PGM5: variants seen among roughly 807,000 people sequenced by gnomAD.
PGM5 encodes phosphoglucomutase-like protein 5.
PGM5 carries 23 observed loss-of-function variants against 59.2 expected under a neutral mutation model. The observed-to-expected ratio is 0.39, with a 90% CI of 0.28 to 0.55. The LOEUF is 0.55. Ranked by LOEUF, PGM5 falls within the 20% of genes least tolerant of loss-of-function variation. The pLI is 0.66. For synonymous variants in PGM5, 214 were observed against 286.0 expected, an observed-to-expected ratio of 0.75 and a Z score of 2.54; for missense variants, 574 against 748.3, an observed-to-expected ratio of 0.77 and a Z score of 2.72.
chr9:68,387,410 G>A, intron 3 of PGM5, 53 bp from the exon 4 acceptor site: 3 of 1,453,124 alleles, frequency 2.1e-6, no homozygotes, highest in Non-Finnish European at 2.9e-6. Context: ...ATGCTTCCAA[G>A]TATCTTTCAT....
At chr9:68,435,667 C>T (rs1007585055) in intron 6 of PGM5, among the ~76,000 whole-genome samples, 4 of 152,010 alleles carry the variant, frequency 2.6e-5, no homozygotes, top group South Asian at 2.1e-4. Context: ...TCCATTTGTC[C>T]ATTGATGGAC....
At chr9:68,482,558 G>A (rs1554687200) in intron 8 of PGM5, among the ~76,000 whole-genome samples, 1 of 152,130 alleles carries the variant, frequency 6.6e-6, no homozygotes, top group Non-Finnish European at 1.5e-5. Flanking sequence ...GATCTTGAGT[G>A]GAAAAAAGTA....
At chr9:68,494,889 T>C (rs369086848) in intron 9 of PGM5, among the ~76,000 whole-genome samples, 3 of 152,252 alleles carry the variant, frequency 2.0e-5, no homozygotes, top group South Asian at 2.1e-4. Context: ...TGTGTTTTCA[T>C]GTAGCCTGTG....
chr9:68,450,585 G>A lies in PGM5; in HGVS notation c.1044-14508G>A, dbSNP rs75707179. Reference sequence around the variant, plus strand: ...TTCCATATGTGTAATCATACTGTAAGTTTAATAAAAGTTTACATCATATGA... The same window carrying A: ...TTCCATATGTGTAATCATACTGTAAATTTAATAAAAGTTTACATCATATGA... On this transcript the variant is annotated intron_variant, in intron 6 of 10. Coordinates refer to ENST00000396396, the MANE Select transcript of PGM5 (RefSeq NM_021965.4). 0.011 allele frequency among the ~76,000 whole-genome samples: 1,746 copies of A among 152,242 alleles called. 115 individuals carry two copies. In the East Asian group the frequency reaches 0.17, roughly 15 times the overall value.
intron 6 of PGM5, among the ~76,000 whole-genome samples, chr9:68,454,269 C>G (rs1554684616): frequency 6.6e-6 from 1 of 152,174 alleles, no homozygotes; most frequent in African/African-American, 2.4e-5. Flanking sequence ...AGTAATGAAT[C>G]TAGGGATGGG....
chr9:68,364,812 C>G (rs1834648413), intron 1 of PGM5, among the ~76,000 whole-genome samples: 1 of 150,940 alleles, frequency 6.6e-6, no homozygotes, highest in Non-Finnish European at 1.5e-5. Context: ...AGGAGTGGGA[C>G]AGATTATGAG....
intron 7 of PGM5, 112 bp from the exon 8 acceptor site, chr9:68,479,306 G>T: frequency 1.1e-6 from 1 of 935,700 alleles, no homozygotes; most frequent in Admixed American, 2.5e-5. Context: ...ATGGGTAAAT[G>T]ATCCAATCAT....
chr9:68,443,453 T>C (rs1228635417), intron 6 of PGM5, among the ~76,000 whole-genome samples: 1 of 152,220 alleles, frequency 6.6e-6, no homozygotes, highest in South Asian at 2.1e-4. Flanking sequence ...GATCTACACA[T>C]GTCAAAATTT....
At chr9:68,390,832 C>T (rs1554679377) in intron 4 of PGM5, among the ~76,000 whole-genome samples, 1 of 152,122 alleles carries the variant, frequency 6.6e-6, no homozygotes, top group Non-Finnish European at 1.5e-5. Flanking sequence ...GTTATTGCTT[C>T]TCTGAAGCCA....
chr9:68,409,925 G>A (rs1376596667), intron 6 of PGM5, among the ~76,000 whole-genome samples: 1 of 151,980 alleles, frequency 6.6e-6, no homozygotes, highest in Non-Finnish European at 1.5e-5. Flanking sequence ...TGACTGAGGT[G>A]GTACATCTGA....
intron 6 of PGM5, among the ~76,000 whole-genome samples, chr9:68,408,211 G>A (rs1470589461): frequency 2.6e-5 from 4 of 152,174 alleles, no homozygotes; most frequent in African/African-American, 7.2e-5. Flanking sequence ...GGATAAGGTC[G>A]TTTGGATTTA....
At chr9:68,423,183 A>G (rs1420695855) in intron 6 of PGM5, among the ~76,000 whole-genome samples, 1 of 151,648 alleles carries the variant, frequency 6.6e-6, no homozygotes, top group Non-Finnish European at 1.5e-5. Context: ...TGCTATAAAC[A>G]TGCATGTGCA....
At chr9:68,377,785 G>A (rs1257885162) in intron 1 of PGM5, among the ~76,000 whole-genome samples, 3 of 152,260 alleles carry the variant, frequency 2.0e-5, no homozygotes, top group African/African-American at 7.2e-5. Context: ...CTTGTTCTAA[G>A]TTACAGGAAG....
At chr9:68,423,643 CTCTCTCTCTCTG>C (rs1554682505) in intron 6 of PGM5, among the ~76,000 whole-genome samples, 1 of 102,290 alleles carries the variant, frequency 9.8e-6, no homozygotes, top group Non-Finnish European at 2.2e-5. Flanking sequence ...CTCTCTCTCT[CTCTCTCTCTCTG>C]TCTCTCTCTC....
chr9:68,486,833 C>T (rs925506525), intron 9 of PGM5, among the ~76,000 whole-genome samples: 4 of 152,124 alleles, frequency 2.6e-5, no homozygotes, highest in African/African-American at 9.7e-5. Flanking sequence ...ATGTTTAACC[C>T]TTAAAGGAAC....
At chr9:68,499,049 T>G (rs1554688399) in intron 9 of PGM5, 178 bp from the exon 10 acceptor site, 1 of 633,914 alleles carries the variant, frequency 1.6e-6, no homozygotes, top group Non-Finnish European at 2.7e-6. Context: ...GACAAATGGG[T>G]AACTCTAAGT....
chr9:68,454,571 G>A (rs977180544), intron 6 of PGM5, among the ~76,000 whole-genome samples: 1 of 152,216 alleles, frequency 6.6e-6, no homozygotes, highest in Non-Finnish European at 1.5e-5. Flanking sequence ...GTGCTCTGGG[G>A]ATCCAGGGCT....
chr9:68,397,541 G>T (rs1822541973), intron 6 of PGM5: 1 of 152,158 alleles, frequency 6.6e-6, no homozygotes, highest in African/African-American at 2.4e-5. Flanking sequence ...CCCTCTATTT[G>T]CTCTTATGCC....
intron 2 of PGM5, among the ~76,000 whole-genome samples, chr9:68,380,220 C>A (rs1554678209): frequency 3.3e-5 from 5 of 151,986 alleles, no homozygotes. Flanking sequence ...TTAACAAATT[C>A]AAAAAGATTG....
Sources: allele counts gnomAD v4.1 joint callset (sites outside exome capture counted in the v4.1 genomes callset), GRCh38; gene constraint gnomAD v4.1.1; transcripts MANE v1.5; gene names NCBI Gene and HGNC (gene_info 2026-07-23, HGNC 2026-07-21).